RBMS2: variants seen among roughly 807,000 people sequenced by gnomAD.
RBMS2 encodes the protein RNA-binding motif, single-stranded-interacting protein 2.
In RBMS2, 38 loss-of-function variants were observed where a neutral mutation model predicts 58.4. The observed-to-expected ratio is 0.65, with a 90% CI of 0.50 to 0.85. The LOEUF is 0.85. Ranked by LOEUF, RBMS2 falls within the 40% of genes least tolerant of loss-of-function variation. The pLI is 0.00. For synonymous variants in RBMS2, 151 were observed against 180.7 expected, an observed-to-expected ratio of 0.84 and a Z score of 1.32; for missense variants, 367 against 503.7, an observed-to-expected ratio of 0.73 and a Z score of 2.60.
chr12:56,550,395 T>A (rs1324223380), intron 1 of RBMS2, among the ~76,000 whole-genome samples: 1 of 152,002 alleles, frequency 6.6e-6, no homozygotes, highest in Non-Finnish European at 1.5e-5. Flanking sequence ...CCAGGTGTGG[T>A]TGCATGTGCC....
chr12:56,523,435 T>C (rs1872103661), intron 1 of RBMS2, among the ~76,000 whole-genome samples: 1 of 152,224 alleles, frequency 6.6e-6, no homozygotes, highest in African/African-American at 2.4e-5. Flanking sequence ...TATCTATATG[T>C]ATCCCGTAAC....
At chr12:56,550,763 A>C (rs139700483) in intron 1 of RBMS2, among the ~76,000 whole-genome samples, 2 of 151,132 alleles carry the variant, frequency 1.3e-5, no homozygotes, top group Non-Finnish European at 2.9e-5. Context: ...AATCGCTTGA[A>C]CCCAGGAGGC....
chr12:56,538,545 T>A (rs1277066302), intron 1 of RBMS2, among the ~76,000 whole-genome samples: 2 of 138,406 alleles, frequency 1.4e-5, no homozygotes, highest in African/African-American at 5.4e-5. Flanking sequence ...TGGAGTGCAG[T>A]GATCTCAGCT....
At chr12:56,521,500 C>CTTTTTTTTTTTTTTTTT (rs1871713749), upstream of RBMS2, among the ~76,000 whole-genome samples, 1 of 92,472 alleles carries the variant, frequency 1.1e-5, no homozygotes, top group Non-Finnish European at 2.1e-5. Context: ...CACTCTAACT[C>CTTTTTTTTTTTTTTTTT]TGTTTTTTTT....
intron 1 of RBMS2, among the ~76,000 whole-genome samples, chr12:56,540,338 T>A (rs1233372557): frequency 6.6e-6 from 1 of 152,140 alleles, no homozygotes; most frequent in African/African-American, 2.4e-5. Flanking sequence ...TGTATGTATG[T>A]ATTTATGTAT....
chr12:56,543,434 G>A (rs950060851), intron 1 of RBMS2, among the ~76,000 whole-genome samples: 2 of 151,788 alleles, frequency 1.3e-5, no homozygotes, highest in Non-Finnish European at 2.9e-5. Context: ...GCTGTGAGCT[G>A]GGATCATGCC....
chr12:56,576,786 A>C (rs779395944), intron 5 of RBMS2, among the ~76,000 whole-genome samples: 1 of 152,092 alleles, frequency 6.6e-6, no homozygotes, highest in Non-Finnish European at 1.5e-5. Context: ...TGCCTGTATA[A>C]TACCAGCACT....
intron 1 of RBMS2, among the ~76,000 whole-genome samples, chr12:56,558,136 C>T (rs1335373272): frequency 1.4e-5 from 2 of 139,600 alleles, no homozygotes; most frequent in Non-Finnish European, 3.1e-5. Context: ...GCTCTGCCTC[C>T]TCCTGGGTTC....
intron 1 of RBMS2, among the ~76,000 whole-genome samples, chr12:56,540,642 G>C (rs1565736393): frequency 6.6e-6 from 1 of 152,154 alleles, no homozygotes; most frequent in Admixed American, 6.5e-5. Context: ...AGTCTTCAGA[G>C]TAGCTGGGAT....
chr12:56,575,344 G>C (rs1370816924), intron 5 of RBMS2, among the ~76,000 whole-genome samples: 1 of 152,030 alleles, frequency 6.6e-6, no homozygotes, highest in Non-Finnish European at 1.5e-5. Context: ...GGCTAAGGTG[G>C]GAGGATCACC....
At chr12:56,535,825 T>C (rs1874687068) in intron 1 of RBMS2, among the ~76,000 whole-genome samples, 1 of 152,094 alleles carries the variant, frequency 6.6e-6, no homozygotes, top group South Asian at 2.1e-4. Context: ...CATAACTCCA[T>C]ATCTAATGGC....
At chr12:56,586,434 A>G (rs1884682252) in intron 9 of RBMS2, among the ~76,000 whole-genome samples, 1 of 152,108 alleles carries the variant, frequency 6.6e-6, no homozygotes, top group Non-Finnish European at 1.5e-5. Flanking sequence ...AATAGAAATA[A>G]TAATTGTAGC....
intron 9 of RBMS2, among the ~76,000 whole-genome samples, chr12:56,583,528 C>T (rs1021816102): frequency 3.9e-5 from 6 of 152,110 alleles, no homozygotes; most frequent in African/African-American, 1.4e-4. Flanking sequence ...GTGGCGGGCG[C>T]CTGTAATCCC....
chr12:56,583,654 CAA>C (rs11355412), intron 9 of RBMS2, among the ~76,000 whole-genome samples: 5 of 146,706 alleles, frequency 3.4e-5, no homozygotes, highest in South Asian at 2.2e-4. Flanking sequence ...AACTCTGTCT[CAA>C]AAAAAAAAAC....
chr12:56,553,034 T>G (rs73335208), intron 1 of RBMS2, among the ~76,000 whole-genome samples: 7,073 of 147,246 alleles, frequency 0.048, 561 homozygotes, highest in African/African-American at 0.17. Flanking sequence ...GTTCAAGCAG[T>G]TCTCCTGTGT....
At chr12:56,588,543 T>C (rs1434873205) in intron 12 of RBMS2, 169 bp downstream of exon 12, 1 of 649,136 alleles carries the variant, frequency 1.5e-6, no homozygotes, top group Non-Finnish European at 2.7e-6. Context: ...GCATGCATAC[T>C]AAAATTGGAA....
intron 1 of RBMS2, among the ~76,000 whole-genome samples, chr12:56,551,133 GAA>G (rs71081379): frequency 6.9e-6 from 1 of 144,584 alleles, no homozygotes; most frequent in Non-Finnish European, 1.5e-5. Flanking sequence ...AAAAAAAAAA[GAA>G]AAAAAAAAGG....
intron 1 of RBMS2, among the ~76,000 whole-genome samples, chr12:56,542,468 G>T (rs796220331): frequency 1.5e-4 from 21 of 143,770 alleles, no homozygotes; most frequent in African/African-American, 4.2e-4. Context: ...TAAAGTATGG[G>T]TTTTTTTTTT....
chr12:56,543,316 C>G (rs773783452), intron 1 of RBMS2, among the ~76,000 whole-genome samples: 2 of 151,590 alleles, frequency 1.3e-5, no homozygotes, highest in Non-Finnish European at 2.9e-5. Flanking sequence ...AACCTCATCG[C>G]TACTAAAAAT....
Sources: allele counts gnomAD v4.1 joint callset (sites outside exome capture counted in the v4.1 genomes callset), GRCh38; gene constraint gnomAD v4.1.1; transcripts MANE v1.5; gene names NCBI Gene and HGNC (gene_info 2026-07-23, HGNC 2026-07-21).